The following PTGS2 variants were observed in gnomAD, a reference collection of about 807,000 sequenced individuals.
PTGS2 encodes prostaglandin G/H synthase 2.
A neutral mutation model predicts 63.8 loss-of-function variants in PTGS2; 14 were observed. The observed-to-expected ratio is 0.22, with a 90% confidence interval of 0.14 to 0.34. PTGS2 has a LOEUF of 0.34. Among genes scored for constraint, PTGS2 ranks in the 10% least tolerant of loss-of-function variants. PTGS2 has a pLI of 1.00. For synonymous variants in PTGS2, 271 were observed against 259.5 expected (o/e 1.04, Z -0.43); for missense variants, 533 against 738.5 (o/e 0.72, Z 3.23).
chr1:186,676,453 A>T lies in PTGS2; in HGVS notation c.970+14T>A. The T allele has an allele frequency of 6.2e-7, 1 of 1,610,404 alleles. No individual in the cohort carries two copies. The highest frequency in any genetic ancestry group is 1.7e-5 in the Admixed American group (1 of 59,762). On this transcript the variant is annotated intron_variant, in intron 7 of 9. Transcript: ENST00000367468. ...TGGGGAAGAGGGTTTTATATAAATC[A>T]TTTTCTTGTTTACCTATCAGTATTA...
chr1:186,676,002 C>T lies in PTGS2; in HGVS notation c.1153G>A (p.Asp385Asn). The change falls in exon 8 of 10, where the codon GAC becomes AAC. Residue 385 changes from aspartate to asparagine, a missense_variant. Around this residue, in one of 5 missense-constraint regions of PTGS2, gnomAD observed 219 missense variants for 267.4 expected, o/e 0.82. Transcript: ENST00000367468. ...PLLPDTFQIH[D>N]QKYNYQQFIY... ...AACTGTTGATAGTTGTATTTCTGGTCATGAATTTGAAAGGTGTCAGGCAGA... is the reference window on the plus strand; with the variant it reads ...AACTGTTGATAGTTGTATTTCTGGTTATGAATTTGAAAGGTGTCAGGCAGA... The T allele has an allele frequency of 1.2e-6, 2 of 1,613,946 alleles. No homozygotes were observed. Among genetic ancestry groups the T allele is most frequent in the Middle Eastern group, 1.7e-4 (1 of 6,060 alleles).
rs924208743 is a variant in PTGS2 at position 186,674,463 on chromosome 1, G to C, written c.1705C>G (p.Pro569Ala). 4 of 1,614,032 alleles carry C rather than the reference G, an allele frequency of 2.5e-6. No homozygotes were observed. The East Asian group carries it at 8.9e-5, about 36-fold the overall frequency. ...KGCPFTSFSVPDPELIKTVTI... is the reference protein window; with the variant it reads ...KGCPFTSFSVADPELIKTVTI... The stretch of plus-strand genomic sequence containing the variant: ...ACTGTTTTAATGAGCTCTGGATCTG[G>C]AACACTGAATGAAGTAAAGGGACAG... The change falls in exon 10 of 10, where the codon CCA becomes GCA. Residue 569 changes from proline to alanine, a missense_variant. Pro to Ala is a conservative substitution (Grantham distance 27). Transcript: ENST00000367468.
rs542348215 is a variant in PTGS2 at position 186,677,034 on chromosome 1, A to T, written c.640-118T>A. On this transcript the variant is annotated intron_variant, in intron 5 of 9. Transcript: ENST00000367468. ...CATTTAGCTTTCTTTAAAATTTTTA[A>T]ATAAAATATACATTTTTCATAGCCA... The T allele has an allele frequency of 6.7e-6, 5 of 749,438 alleles. No homozygotes were observed. The Admixed American group carries it at 8.7e-5, about 13-fold the overall frequency. The allele number at this position is 749,438 out of a possible 1,614,324, so 46.4% of individuals were successfully genotyped here. A position where few individuals can be genotyped will look rare whatever the true frequency, so the allele number is the denominator to read the frequency against.
intron 3 of PTGS2, 75 bp downstream of exon 3, chr1:186,678,983 G>T: frequency 6.8e-7 from 1 of 1,469,446 alleles, no homozygotes; most frequent in South Asian, 1.3e-5. Flanking sequence ...TATGTTTTTA[G>T]ATTAGGCTTA....
rs745925259 is a variant in PTGS2, at chr1:186,679,214, G to A, written c.170-13C>T. Reference sequence around the variant, plus strand: ...GTCAAAAATTCCGCTGCAAGAAGACGAAGAAAGGGAGGGAGAAATTAATGG... The same window carrying A: ...GTCAAAAATTCCGCTGCAAGAAGACAAAGAAAGGGAGGGAGAAATTAATGG... On this transcript the variant is annotated splice_polypyrimidine_tract_variant and intron_variant, in intron 2 of 9. Transcript: ENST00000367468. 1.9e-6 allele frequency: 3 copies of A among 1,613,088 alleles called. No individual in the cohort carries two copies. The highest frequency in any genetic ancestry group is 1.3e-5 in the African/African-American group (1 of 74,976).
chr1:186,676,687 G>C lies in PTGS2; in HGVS notation c.750C>G (p.Pro250=). 6.2e-7 allele frequency: 1 copy of C among 1,613,292 alleles called. No individual in the cohort carries two copies. Residue 250 remains proline (P), a synonymous_variant, in exon 7 of 10, where the codon CCC becomes CCG. Coordinates refer to ENST00000367468, the MANE Select transcript of PTGS2 (RefSeq NM_000963.4). ...YQIIDGEMYP[P]TVKDTQAEMI... ...TCTCTGCCTGAGTATCTTTGACTGT[G>C]GGAGGATACATCTCTCCATCAATTA... is the stretch of plus-strand genomic sequence containing the variant.
chr1:186,674,407 T>A lies in PTGS2; in HGVS notation c.1761A>T (p.Gly587=). ...GTACTGTGGGATTGATATCATCTAG[T>A]CCGGAGCGGGAAGAACTTGCATTGA... ...VTINASSSRS[G]LDDINPTVLL... Residue 587 remains glycine (G), a synonymous_variant, in exon 10 of 10, where the codon GGA becomes GGT. Coordinates refer to ENST00000367468, the MANE Select transcript of PTGS2 (RefSeq NM_000963.4). The A allele has an allele frequency of 6.2e-7, 1 of 1,614,034 alleles. No homozygotes were observed. The highest frequency in any genetic ancestry group is 1.1e-5 in the South Asian group (1 of 91,078).
At chr1:186,677,060 T>C (rs2102006262) in intron 5 of PTGS2, 144 bp from the exon 6 acceptor site, 1 of 629,768 alleles carries the variant, frequency 1.6e-6, no homozygotes, top group Non-Finnish European at 2.7e-6. Flanking sequence ...TTCATAGCCA[T>C]GAATTGCTAA....
chr1:186,676,146 G>T lies in PTGS2; in HGVS notation c.1009C>A (p.His337Asn). 1 of 1,613,628 alleles carries T rather than the reference G, an allele frequency of 6.2e-7. No individual in the cohort carries two copies. The highest frequency in any genetic ancestry group is 8.5e-7 in the Non-Finnish European group (1 of 1,179,590). Residue 337 changes from histidine to asparagine, a missense_variant, in exon 8 of 10, where the codon CAC becomes AAC. By Grantham distance (68) the His-to-Asn change is moderately conservative. This residue lies in a region of PTGS2 where 67 missense variants were observed against 152.6 expected (regional missense o/e 0.44). Transcript: ENST00000367468. ...AGTTTGAAGTGATAGCCACTCAAGT[G>T]TTGCACATAATCTTCAATCACAATC... is the stretch of plus-strand genomic sequence containing the variant. Reference protein sequence around the residue: ...IKIVIEDYVQHLSGYHFKLKF... With the variant: ...IKIVIEDYVQNLSGYHFKLKF...
chr1:186,678,300 G>A lies in PTGS2; in HGVS notation c.418C>T (p.Pro140Ser). The change falls in exon 4 of 10, where the codon CCT becomes TCT. Residue 140 changes from proline (P) to serine (S), a missense_variant. Transcript: ENST00000367468. ...NLSYYTRALP[P>S]VPDDCPTPLG... is the part of the protein sequence containing the mutation. ...GGAGTCGGGCAATCATCAGGCACAG[G>A]AGGAAGGGCTCTAGTATAATAGGAG... The A allele has an allele frequency of 6.2e-7, 1 of 1,612,910 alleles. No homozygotes were observed. The highest frequency in any genetic ancestry group is 8.5e-7 in the Non-Finnish European group (1 of 1,179,314).
intron 4 of PTGS2, 144 bp downstream of exon 4, chr1:186,678,116 TA>T: frequency 1.2e-6 from 1 of 835,482 alleles, no homozygotes; most frequent in Non-Finnish European, 1.7e-6. Context: ...ACTCATACTT[TA>T]AAAAATACCC....
At chr1:186,677,872 T>C (rs1352100870) in intron 4 of PTGS2, 42 bp from the exon 5 acceptor site, 4 of 1,572,732 alleles carry the variant, frequency 2.5e-6, no homozygotes, top group East Asian at 4.5e-5. Context: ...ATCTATGTAT[T>C]CAAGAAAGGA....
At chr1:186,678,227 G>A (rs1571811629) in intron 4 of PTGS2, 34 bp downstream of exon 4, 1 of 1,559,834 alleles carries the variant, frequency 6.4e-7, no homozygotes, top group Non-Finnish European at 8.6e-7. Flanking sequence ...CCGTCTTATA[G>A]TTAATACATC....
intron 4 of PTGS2, 37 bp from the exon 5 acceptor site, chr1:186,677,867 T>C (rs1285765033): frequency 2.5e-6 from 4 of 1,587,490 alleles, no homozygotes; most frequent in East Asian, 4.5e-5. Flanking sequence ...AATCCATCTA[T>C]GTATTCAAGA....
rs748169012 is a variant in PTGS2, at chr1:186,674,312, G to T, written c.*41C>A. On this transcript the variant is annotated 3_prime_UTR_variant, in exon 10 of 10. Coordinates refer to ENST00000367468, the MANE Select transcript of PTGS2 (RefSeq NM_000963.4). ...ATATTATTAAATAATTAAATTAATA[G>T]ACATGGTTCATATAAATAAATAAAT... 4 of 1,230,568 alleles carry T rather than the reference G, an allele frequency of 3.3e-6. No individual in the cohort carries two copies. Among genetic ancestry groups the T allele is most frequent in the Non-Finnish European group, 4.3e-6 (4 of 926,528 alleles). 76.2% of individuals were successfully genotyped at this position (1,230,568 alleles called of 1,614,324 possible). A position where few individuals can be genotyped will look rare whatever the true frequency, so the allele number is the denominator to read the frequency against.
In PTGS2 at chr1:186,680,226, G is replaced by C. The variant is rs1191802975; in HGVS notation, c.52+13C>G. 11 of 1,549,572 alleles carry C rather than the reference G, an allele frequency of 7.1e-6. No homozygotes were observed. The highest frequency in any genetic ancestry group is 9.6e-6 in the Non-Finnish European group (11 of 1,146,690). On this transcript the variant is annotated intron_variant, in intron 1 of 9. Coordinates refer to ENST00000367468, the MANE Select transcript of PTGS2 (RefSeq NM_000963.4). Reference sequence around the variant, plus strand: ...GGAACCGGAGTCCCCGGTGCGCGGCGCCAGGTACTCACCTGTATGGCTGAG... The same window carrying C: ...GGAACCGGAGTCCCCGGTGCGCGGCCCCAGGTACTCACCTGTATGGCTGAG...
intron 5 of PTGS2, 31 bp from the exon 6 acceptor site, chr1:186,676,947 T>C (rs976617500): frequency 1.3e-6 from 2 of 1,554,414 alleles, no homozygotes; most frequent in Non-Finnish European, 1.8e-6. Context: ...TTTAATTTGT[T>C]GCTGTTGAAG....
At chr1:186,679,530 A>C in intron 1 of PTGS2, 92 bp from the exon 2 acceptor site, 1 of 977,082 alleles carries the variant, frequency 1.0e-6, no homozygotes, top group Non-Finnish European at 1.5e-6. Context: ...ACTTTACAAT[A>C]ATAAATTCAA....
Position 186,680,300 on chromosome 1 carries a change from G to T in PTGS2, c.-10C>A, listed in dbSNP as rs1175811679. 2.6e-6 allele frequency: 4 copies of T among 1,538,586 alleles called. No homozygotes were observed. In the Admixed American group the frequency reaches 6.0e-5, roughly 23 times the overall value. On this transcript the variant is annotated 5_prime_UTR_variant, in exon 1 of 10. Coordinates refer to ENST00000367468, the MANE Select transcript of PTGS2 (RefSeq NM_000963.4). ...GGGCGCGGGCGAGCATCGCAGCGGC[G>T]GGCAGGGCGCGGCGCGGGGGTAGGC... is the stretch of plus-strand genomic sequence containing the variant.
Sources: allele counts gnomAD v4.1 joint callset, GRCh38; gene constraint gnomAD v4.1.1; regional missense constraint gnomAD v4.1.1; transcripts MANE v1.5; gene names NCBI Gene and HGNC (gene_info 2026-07-23, HGNC 2026-07-21).